Variants in CADM2 observed in about 807,000 individuals in gnomAD.
The protein encoded by CADM2 is cell adhesion molecule 2.
A neutral mutation model predicts 49.8 loss-of-function variants in CADM2; 12 were observed. That is an observed-to-expected ratio of 0.24 (90% confidence interval 0.15 to 0.39). The LOEUF is 0.39. Among genes scored for constraint, CADM2 ranks in the 10% least tolerant of loss-of-function variants. CADM2 has a pLI of 1.00. For synonymous variants in CADM2, 214 were observed against 175.4 expected (o/e 1.22, Z -1.74); for missense variants, 378 against 492.3 (o/e 0.77, Z 2.20).
At chr3:85,661,749 C>T (rs774776231) in intron 1 of CADM2, among the ~76,000 whole-genome samples, 4 of 152,026 alleles carry the variant, frequency 2.6e-5, no homozygotes, top group African/African-American at 7.2e-5. Flanking sequence ...AAGAAAATCT[C>T]AGGCAGCTTT....
intron 5 of CADM2, among the ~76,000 whole-genome samples, chr3:85,897,506 T>G (rs1269316613): frequency 1.3e-5 from 2 of 150,680 alleles, no homozygotes; most frequent in East Asian, 3.9e-4. Context: ...CCTGACCTCA[T>G]GATCCACCCG....
intron 1 of CADM2, among the ~76,000 whole-genome samples, chr3:85,387,882 G>T (rs571891287): frequency 6.6e-6 from 1 of 152,122 alleles, no homozygotes; most frequent in Non-Finnish European, 1.5e-5. Context: ...GCACCATAAA[G>T]AATCTAAATA....
chr3:86,027,413 GT>G (rs1198260178), intron 8 of CADM2, among the ~76,000 whole-genome samples: 2 of 152,242 alleles, frequency 1.3e-5, no homozygotes, highest in South Asian at 4.1e-4. Flanking sequence ...AGATAATAGT[GT>G]TTTTAAATTC....
At chr3:85,559,847 A>C (rs2062049499) in intron 1 of CADM2, among the ~76,000 whole-genome samples, 1 of 152,164 alleles carries the variant, frequency 6.6e-6, no homozygotes, top group South Asian at 2.1e-4. Context: ...TTTTGGAATG[A>C]TGTTAATTTA....
intron 1 of CADM2, among the ~76,000 whole-genome samples, chr3:85,605,208 A>G (rs2063512232): frequency 6.6e-6 from 1 of 152,060 alleles, no homozygotes; most frequent in African/African-American, 2.4e-5. Context: ...GTATAATAAG[A>G]AGAATAAACT....
chr3:85,590,515 G>A (rs1021516002), intron 1 of CADM2, among the ~76,000 whole-genome samples: 2 of 152,034 alleles, frequency 1.3e-5, no homozygotes, highest in Admixed American at 6.6e-5. Context: ...AAGCAAGACT[G>A]TTGGAAGGAA....
chr3:85,114,737 T>G (rs2038582084), intron 1 of CADM2, among the ~76,000 whole-genome samples: 1 of 151,552 alleles, frequency 6.6e-6, no homozygotes, highest in Non-Finnish European at 1.5e-5. Flanking sequence ...TTTTTTAACC[T>G]TTCTAAGACT....
At chr3:85,370,192 C>T (rs1347957778) in intron 1 of CADM2, among the ~76,000 whole-genome samples, 1 of 143,376 alleles carries the variant, frequency 7.0e-6, no homozygotes, top group Non-Finnish European at 1.5e-5. Flanking sequence ...CAGCCTGGGA[C>T]ACAAGAACGA....
At chr3:85,673,134 G>C (rs1391491013) in intron 1 of CADM2, among the ~76,000 whole-genome samples, 1 of 152,090 alleles carries the variant, frequency 6.6e-6, no homozygotes, top group African/African-American at 2.4e-5. Context: ...ACAGCACCAG[G>C]GGACAAGTGT....
chr3:85,982,039 C>T (rs1727541162), intron 8 of CADM2, among the ~76,000 whole-genome samples: 1 of 151,542 alleles, frequency 6.6e-6, no homozygotes, highest in Non-Finnish European at 1.5e-5. Context: ...TTTTTAATAG[C>T]AGTCATTCTC....
intron 1 of CADM2, among the ~76,000 whole-genome samples, chr3:85,246,070 C>A (rs149493055): frequency 6.6e-6 from 1 of 152,280 alleles, no homozygotes; most frequent in African/African-American, 2.4e-5. Flanking sequence ...TTTGTGTGTA[C>A]TTGTATTTTA....
intron 3 of CADM2, among the ~76,000 whole-genome samples, chr3:85,832,764 A>G (rs1050946134): frequency 6.6e-6 from 1 of 151,876 alleles, no homozygotes; most frequent in Non-Finnish European, 1.5e-5. Flanking sequence ...AGATAATTTG[A>G]CTTCTTATTT....
chr3:85,718,329 G>A (rs927982900), intron 1 of CADM2, among the ~76,000 whole-genome samples: 6 of 152,108 alleles, frequency 3.9e-5, no homozygotes, highest in Admixed American at 2.0e-4. Flanking sequence ...AAGATTGCCC[G>A]TGTACTTTAG....
intron 1 of CADM2, among the ~76,000 whole-genome samples, chr3:85,148,515 A>G (rs879856548): frequency 6.6e-6 from 1 of 152,214 alleles, no homozygotes; most frequent in Admixed American, 6.5e-5. Flanking sequence ...TACATCATAT[A>G]TAACTGAAAA....
intron 6 of CADM2, among the ~76,000 whole-genome samples, chr3:85,924,985 C>A (rs1200216523): frequency 6.6e-6 from 1 of 152,144 alleles, no homozygotes; most frequent in Non-Finnish European, 1.5e-5. Flanking sequence ...TCATATATAG[C>A]CAACATTCTT....
At chr3:85,494,824 G>A (rs942037794) in intron 1 of CADM2, among the ~76,000 whole-genome samples, 8 of 152,112 alleles carry the variant, frequency 5.3e-5, no homozygotes, top group African/African-American at 1.4e-4. Flanking sequence ...TATAAATGGT[G>A]GCCCTAGGGA....
intron 8 of CADM2, among the ~76,000 whole-genome samples, chr3:86,059,095 C>CA (rs10712762): frequency 0.18 from 23,734 of 128,434 alleles, 2,045 homozygotes; most frequent in South Asian, 0.25. Flanking sequence ...CTCCATCTTA[C>CA]AAAAAAAAAA....
At chr3:85,477,097 T>C (rs147640871) in intron 1 of CADM2, among the ~76,000 whole-genome samples, 2 of 151,982 alleles carry the variant, frequency 1.3e-5, no homozygotes, top group African/African-American at 4.8e-5. Context: ...GTTAAGACTT[T>C]TGCCTGAAGG....
At chr3:85,788,471 C>G (rs2071132178) in intron 2 of CADM2, among the ~76,000 whole-genome samples, 1 of 150,494 alleles carries the variant, frequency 6.6e-6, no homozygotes, top group South Asian at 2.1e-4. Context: ...TGCACCAATG[C>G]AATTATTTTA....
Sources: allele counts gnomAD v4.1 joint callset (sites outside exome capture counted in the v4.1 genomes callset), GRCh38; gene constraint gnomAD v4.1.1; transcripts MANE v1.5; gene names NCBI Gene and HGNC (gene_info 2026-07-23, HGNC 2026-07-21).